The following PDK1 variants were observed in gnomAD, a reference collection of about 807,000 sequenced individuals.
PDK1 encodes pyruvate dehydrogenase kinase 1, also known as [Pyruvate dehydrogenase (acetyl-transferring)] kinase isozyme 1, mitochondrial.
A neutral mutation model predicts 54.2 loss-of-function variants in PDK1; 39 were observed. The observed-to-expected ratio is 0.72, with a 90% confidence interval of 0.56 to 0.94. The LOEUF is 0.94. PDK1 is among the 40% of genes least tolerant of loss of function. PDK1 has a pLI of 0.00. For missense variants in PDK1, 552 were observed against 566.0 expected (o/e 0.98, Z 0.25); for synonymous variants, 221 against 207.1 (o/e 1.07, Z -0.58).
At chr2:172,565,112 A>T in intron 5 of PDK1, 39 bp downstream of exon 5, 1 of 1,196,782 alleles carries the variant, frequency 8.4e-7, no homozygotes, top group Non-Finnish European at 1.2e-6. Context: ...AAAGATACAA[A>T]AATCAAAATT....
At chr2:172,720,832 G>A in the PDK1 span, among the ~76,000 whole-genome samples, 1 of 152,194 alleles carries the variant, frequency 6.6e-6, no homozygotes, top group African/African-American at 2.4e-5. Context: ...TTTGTTCCTT[G>A]AGAAAGCATC....
At chr2:172,723,374 T>G in the PDK1 span, 3 of 152,164 alleles carry the variant, frequency 2.0e-5, no homozygotes, top group East Asian at 5.8e-4. Context: ...ACAAACACAT[T>G]AGAGATTTTT....
In PDK1 at chr2:172,599,272, T is replaced by C. The variant is rs774527417; in HGVS notation, c.*3303T>C. ...CCTATCCTATTTTTAATTGATGGGA[T>C]ATAGGCAGCACAATTTCCCTTCATT... is the stretch of plus-strand genomic sequence containing the variant. On this transcript the variant is annotated 3_prime_UTR_variant, in exon 11 of 11. Transcript: ENST00000282077. 1.1e-4 allele frequency: 16 copies of C among 152,012 alleles called. No individual in the cohort carries two copies. The highest frequency in any genetic ancestry group is 2.2e-4 in the Non-Finnish European group (15 of 67,992). The allele number at this position is 152,012 out of a possible 1,614,324, so 9.4% of individuals were successfully genotyped here.
At chr2:172,581,310 C>T (rs1255439570) in intron 8 of PDK1, among the ~76,000 whole-genome samples, 1 of 152,042 alleles carries the variant, frequency 6.6e-6, no homozygotes, top group Admixed American at 6.6e-5. Flanking sequence ...AGGCTGGTCT[C>T]GAACTGCTGA....
chr2:172,601,293 C>T lies in PDK1; in HGVS notation c.*5324C>T, dbSNP rs1430152687. On this transcript the variant is annotated 3_prime_UTR_variant, in exon 11 of 11. Transcript: ENST00000282077. ...ATTTAAGAGGAGTAGCAAAACAGCACTGCTAAAGTTACGGGTTTATTTTAA... is the reference window on the plus strand; with the variant it reads ...ATTTAAGAGGAGTAGCAAAACAGCATTGCTAAAGTTACGGGTTTATTTTAA... 1 of 152,140 alleles carries T rather than the reference C, an allele frequency of 6.6e-6. No individual in the cohort carries two copies. Among genetic ancestry groups the T allele is most frequent in the Non-Finnish European group, 1.5e-5 (1 of 68,028 alleles). 9.4% of individuals were successfully genotyped at this position (152,140 alleles called of 1,614,324 possible). A position where few individuals can be genotyped will look rare whatever the true frequency, so the allele number is the denominator to read the frequency against.
the PDK1 span, among the ~76,000 whole-genome samples, chr2:172,672,508 C>A: frequency 1.6e-4 from 25 of 152,170 alleles, no homozygotes; most frequent in Admixed American, 1.6e-3. Flanking sequence ...TCCAAGCACA[C>A]CTCGTTTAAT....
At chr2:172,664,033 C>T in the PDK1 span, among the ~76,000 whole-genome samples, 1,609 of 149,934 alleles carry the variant, frequency 0.011, 27 homozygotes, top group African/African-American at 0.036. Context: ...ATTGCCTTGC[C>T]AGGCGCGGTG....
At position 172,556,173 on chromosome 2, in the gene PDK1, G is replaced by T; in HGVS notation, c.23G>T (p.Arg8Leu). The T allele has an allele frequency of 7.1e-7, 1 of 1,416,350 alleles. No homozygotes were observed. The highest frequency in any genetic ancestry group is 9.2e-7 in the Non-Finnish European group (1 of 1,092,292). The allele number at this position is 1,416,350 out of a possible 1,614,324, so 87.7% of individuals were successfully genotyped here. MRLARLLRGAALAGPGPG... is the reference protein window; with the variant it reads MRLARLLLGAALAGPGPG... The stretch of plus-strand genomic sequence containing the variant: ...GGCATGAGGCTGGCGCGGCTGCTTC[G>T]CGGAGCCGCCTTGGCCGGCCCGGGC... The change falls in exon 1 of 11, where the codon CGC (arginine) becomes CTC (leucine). Residue 8 changes from arginine to leucine, a missense_variant. Physicochemically the swap from Arg to Leu is moderately radical, Grantham distance 102. Coordinates refer to ENST00000282077, the MANE Select transcript of PDK1 (RefSeq NM_002610.5).
the PDK1 span, among the ~76,000 whole-genome samples, chr2:172,715,750 G>T: frequency 6.6e-6 from 1 of 152,142 alleles, no homozygotes; most frequent in Non-Finnish European, 1.5e-5. Context: ...CATGTGAACT[G>T]CCTCCCAAGA....
chr2:172,622,368 A>G, the PDK1 span, among the ~76,000 whole-genome samples: 2 of 136,076 alleles, frequency 1.5e-5, no homozygotes, highest in African/African-American at 2.8e-5. Context: ...TGTTTATATC[A>G]TATATTATGT....
chr2:172,700,568 C>T, the PDK1 span, among the ~76,000 whole-genome samples: 12 of 151,022 alleles, frequency 7.9e-5, no homozygotes, highest in East Asian at 5.8e-4. Flanking sequence ...GATGGGCGGC[C>T]GGGCAGAGAC....
intron 6 of PDK1, among the ~76,000 whole-genome samples, chr2:172,568,284 C>T (rs940282927): frequency 6.3e-5 from 9 of 142,322 alleles, no homozygotes; most frequent in Non-Finnish European, 1.2e-4. Flanking sequence ...GCCAAGATCG[C>T]GCCACTGCAC....
At chr2:172,567,464 T>C (rs1689019519) in intron 6 of PDK1, among the ~76,000 whole-genome samples, 1 of 152,202 alleles carries the variant, frequency 6.6e-6, no homozygotes, top group Non-Finnish European at 1.5e-5. Context: ...AGTCTCTTTT[T>C]CCTGAAAGCA....
At chr2:172,642,894 T>C in the PDK1 span, among the ~76,000 whole-genome samples, 1 of 152,064 alleles carries the variant, frequency 6.6e-6, no homozygotes, top group African/African-American at 2.4e-5. Context: ...CTCCTTCTCT[T>C]CCTTCTTTTT....
the PDK1 span, among the ~76,000 whole-genome samples, chr2:172,699,753 T>C: frequency 2.7e-5 from 4 of 149,266 alleles, no homozygotes; most frequent in South Asian, 8.4e-4. Context: ...TTTCTTTTTT[T>C]ATTATTATTT....
chr2:172,582,760 C>T (rs551780971), intron 8 of PDK1, among the ~76,000 whole-genome samples: 7 of 152,342 alleles, frequency 4.6e-5, no homozygotes, highest in African/African-American at 1.7e-4. Flanking sequence ...CTTTTGCCTA[C>T]TTTAAAATCC....
rs34106228 is a variant in PDK1 at position 172,602,331 on chromosome 2, TA to T, written c.*6367del. Reference sequence around the variant, plus strand: ...TCCCAGGAACAGGAGGATGTTTTAATAAAAATATGTAATTTACCTCTCTACA... The same window carrying T: ...TCCCAGGAACAGGAGGATGTTTTAATAAAATATGTAATTTACCTCTCTACA... On this transcript the variant is annotated 3_prime_UTR_variant, in exon 11 of 11. Transcript: ENST00000282077. 6.6e-6 allele frequency: 1 copy of T among 152,294 alleles called. No individual in the cohort carries two copies. Among genetic ancestry groups the T allele is most frequent in the Admixed American group, 6.5e-5 (1 of 15,294 alleles). The allele number at this position is 152,294 out of a possible 1,614,324, so 9.4% of individuals were successfully genotyped here.
At position 172,579,162 on chromosome 2, in the gene PDK1, C is replaced by G. The variant is rs142698703; in HGVS notation, c.946-7116C>G. 7.2e-4 allele frequency among the ~76,000 whole-genome samples: 110 copies of G among 152,288 alleles called. 2 individuals are homozygous for G. The East Asian group carries it at 0.018, about 26-fold the overall frequency. On this transcript the variant is annotated intron_variant, in intron 8 of 10. Transcript: ENST00000282077. ...GCTTTTTGGTTAGCCTTATTGTTTGCCCTAGCTGTTGTCCAGTTTCTTCTG... is the reference window on the plus strand; with the variant it reads ...GCTTTTTGGTTAGCCTTATTGTTTGGCCTAGCTGTTGTCCAGTTTCTTCTG...
In PDK1 at chr2:172,556,240, G is replaced by A; in HGVS notation, c.90G>A (p.Ser30=). The A allele has an allele frequency of 6.8e-7, 1 of 1,460,464 alleles. No individual in the cohort carries two copies. The highest frequency in any genetic ancestry group is 2.0e-4 in the Middle Eastern group (1 of 4,896). The allele number at this position is 1,460,464 out of a possible 1,614,324, so 90.5% of individuals were successfully genotyped here. A position where few individuals can be genotyped will look rare whatever the true frequency, so the allele number is the denominator to read the frequency against. Residue 30 remains serine (S), a synonymous_variant, in exon 1 of 11, where the codon TCG becomes TCA. Transcript: ENST00000282077. ...RAAGFSRSFS[S]DSGSSPASER... ...CCGGCTTCAGCCGCAGCTTCAGCTC[G>A]GACTCGGGCTCCAGCCCGGCGTCCG...
Sources: allele counts gnomAD v4.1 joint callset (sites outside exome capture counted in the v4.1 genomes callset), GRCh38; gene constraint gnomAD v4.1.1; transcripts MANE v1.5; gene names NCBI Gene and HGNC (gene_info 2026-07-23, HGNC 2026-07-21).